CDH12: variants seen among roughly 807,000 people sequenced by gnomAD.
CDH12 encodes the protein cadherin 12.
A neutral mutation model predicts 74.1 loss-of-function variants in CDH12; 41 were observed. The observed-to-expected ratio is 0.55, with a 90% confidence interval of 0.43 to 0.72. The LOEUF is 0.72. CDH12 is among the 30% of genes least tolerant of loss of function. CDH12 has a pLI of 0.00. For missense variants in CDH12, 945 were observed against 977.2 expected (o/e 0.97, Z 0.44); for synonymous variants, 399 against 355.0 (o/e 1.12, Z -1.39).
chr5:22,541,863 A>T (rs1451679936), intron 1 of CDH12, among the ~76,000 whole-genome samples: 3 of 152,100 alleles, frequency 2.0e-5, no homozygotes, highest in Non-Finnish European at 4.4e-5. Flanking sequence ...TAGAACTAGA[A>T]TTTTTCTAAT....
At chr5:22,208,929 A>G (rs760218489) in intron 4 of CDH12, among the ~76,000 whole-genome samples, 2 of 152,220 alleles carry the variant, frequency 1.3e-5, no homozygotes, top group Non-Finnish European at 2.9e-5. Context: ...AGGATAAGCC[A>G]ACCGTTTTCC....
chr5:22,583,260 G>A (rs1190353715), intron 1 of CDH12, among the ~76,000 whole-genome samples: 1 of 152,128 alleles, frequency 6.6e-6, no homozygotes, highest in African/African-American at 2.4e-5. Flanking sequence ...TAGAAACTAT[G>A]TATATCAGAT....
At chr5:21,918,065 A>C (rs986730) in intron 6 of CDH12, among the ~76,000 whole-genome samples, 110,681 of 152,078 alleles carry the variant, frequency 0.73, 43,374 homozygotes, top group East Asian at 0.93. Context: ...TTATATCTTT[A>C]AGATACATTT....
chr5:21,823,228 C>T (rs1748470110), intron 8 of CDH12, among the ~76,000 whole-genome samples: 1 of 152,040 alleles, frequency 6.6e-6, no homozygotes, highest in Non-Finnish European at 1.5e-5. Flanking sequence ...CAATTCTATT[C>T]AATGTTTAAA....
intron 1 of CDH12, among the ~76,000 whole-genome samples, chr5:22,529,180 T>G (rs1236056061): frequency 2.3e-5 from 2 of 86,470 alleles, no homozygotes; most frequent in South Asian, 4.3e-4. Context: ...TATATATATA[T>G]ATATATATAG....
intron 6 of CDH12, among the ~76,000 whole-genome samples, chr5:21,903,803 G>C (rs1338734028): frequency 2.6e-5 from 4 of 151,938 alleles, no homozygotes; most frequent in Non-Finnish European, 5.9e-5. Flanking sequence ...AAGAAGGTAA[G>C]GTAAGAACAC....
intron 11 of CDH12, among the ~76,000 whole-genome samples, chr5:21,766,039 C>T (rs980318744): frequency 2.0e-5 from 3 of 151,896 alleles, no homozygotes; most frequent in African/African-American, 7.2e-5. Flanking sequence ...TCCATCATAC[C>T]TTCTCCATTG....
chr5:21,894,996 C>A (rs942170707), intron 6 of CDH12, among the ~76,000 whole-genome samples: 1 of 142,350 alleles, frequency 7.0e-6, no homozygotes, highest in South Asian at 2.4e-4. Context: ...TTTGCACCAA[C>A]TAATACGTAG....
intron 6 of CDH12, chr5:21,883,135 T>C: frequency 1.3e-6 from 2 of 1,561,068 alleles, no homozygotes; most frequent in Non-Finnish European, 1.8e-6. Flanking sequence ...GACAAAGAAA[T>C]TGGCAATATC....
At chr5:21,784,467 ATAGT>A (rs1746091614) in intron 10 of CDH12, among the ~76,000 whole-genome samples, 1 of 152,202 alleles carries the variant, frequency 6.6e-6, no homozygotes, top group Non-Finnish European at 1.5e-5. Flanking sequence ...CCAAATTAAC[ATAGT>A]TAGAAAATTT....
chr5:22,697,353 C>T (rs1377590536), intron 1 of CDH12, among the ~76,000 whole-genome samples: 1 of 151,838 alleles, frequency 6.6e-6, no homozygotes, highest in Non-Finnish European at 1.5e-5. Flanking sequence ...GGGTGGATCA[C>T]GAGGTCAGGA....
In CDH12 at chr5:21,854,804, C is replaced by G; in HGVS notation, c.527-14G>C. 2 of 1,601,838 alleles carry G rather than the reference C, an allele frequency of 1.2e-6. No individual in the cohort carries two copies. Among genetic ancestry groups the G allele is most frequent in the Non-Finnish European group, 8.5e-7 (1 of 1,174,780 alleles). ...GTACATATGCACCTGGAAAATAAGA[C>G]AATATCACTCTAGCATTTTTGTTTT... On this transcript the variant is annotated splice_polypyrimidine_tract_variant and intron_variant, in intron 6 of 14. Transcript: ENST00000382254.
At chr5:22,350,123 G>A (rs1471279478) in intron 3 of CDH12, among the ~76,000 whole-genome samples, 1 of 152,022 alleles carries the variant, frequency 6.6e-6, no homozygotes, top group Admixed American at 6.6e-5. Flanking sequence ...AATAATTTTA[G>A]TAACGACTAA....
At chr5:22,316,286 G>C (rs1738631989) in intron 3 of CDH12, among the ~76,000 whole-genome samples, 1 of 150,082 alleles carries the variant, frequency 6.7e-6, no homozygotes, top group African/African-American at 2.5e-5. Flanking sequence ...ATTGATAAAA[G>C]CTTTAGATAC....
At chr5:22,726,012 G>A (rs567608225) in intron 1 of CDH12, among the ~76,000 whole-genome samples, 2 of 151,788 alleles carry the variant, frequency 1.3e-5, no homozygotes, top group South Asian at 4.2e-4. Context: ...TTGCACCAGA[G>A]TGGCACATAC....
chr5:22,804,855 C>T (rs1748704220), intron 1 of CDH12, among the ~76,000 whole-genome samples: 1 of 152,150 alleles, frequency 6.6e-6, no homozygotes, highest in Non-Finnish European at 1.5e-5. Context: ...ATTGTACGTA[C>T]ACTACTTTAA....
chr5:21,991,933 T>C (rs115195937), intron 5 of CDH12, among the ~76,000 whole-genome samples: 2,881 of 152,144 alleles, frequency 0.019, 84 homozygotes, highest in African/African-American at 0.065. Context: ...ATTATCTTAT[T>C]TGCATAATAA....
intron 1 of CDH12, among the ~76,000 whole-genome samples, chr5:22,507,736 C>T (rs989255676): frequency 6.6e-6 from 1 of 152,092 alleles, no homozygotes; most frequent in African/African-American, 2.4e-5. Context: ...AAGTAATTAC[C>T]ATAAATGTAG....
rs147484264 is a variant in CDH12, at chr5:22,227,881, A to G, written c.-332-15238T>C. On this transcript the variant is annotated intron_variant, in intron 3 of 14. Coordinates refer to ENST00000382254, the MANE Select transcript of CDH12 (RefSeq NM_004061.5). ...ATGGCACACTTGGAAATGTTTTCGT[A>G]TGTAATGTGAATGCTTTCGGATTGT... Among the ~76,000 whole-genome samples, 541 of 152,224 alleles carry G rather than the reference A, an allele frequency of 3.6e-3. 3 individuals are homozygous for G. Among genetic ancestry groups the G allele is most frequent in the African/African-American group, 0.013 (524 of 41,558 alleles).
Sources: allele counts gnomAD v4.1 joint callset (sites outside exome capture counted in the v4.1 genomes callset), GRCh38; gene constraint gnomAD v4.1.1; transcripts MANE v1.5; gene names NCBI Gene and HGNC (gene_info 2026-07-23, HGNC 2026-07-21).